AP1G1: variants seen among roughly 807,000 people sequenced by gnomAD.
AP1G1 encodes AP-1 complex subunit gamma-1.
AP1G1 carries 7 observed loss-of-function variants against 108.3 expected under a neutral mutation model. That is an observed-to-expected ratio of 0.06 (90% CI 0.04 to 0.12). The LOEUF (loss-of-function observed/expected upper bound fraction) is 0.12, where lower values mean the gene tolerates loss of function less well. Among genes scored for constraint, AP1G1 ranks in the 10% least tolerant of loss-of-function variants. The pLI is 1.00. For missense variants in AP1G1, 756 were observed against 1,010.7 expected (o/e 0.75, Z 3.42); for synonymous variants, 379 against 353.5 (o/e 1.07, Z -0.81).
At chr16:71,758,254 TAAG>T in intron 11 of AP1G1, 3 of 350,994 alleles carry the variant, frequency 8.5e-6, no homozygotes, top group Middle Eastern at 1.8e-3. Context: ...TCTAGAGTTC[TAAG>T]AAGACATCCA....
Position 71,771,179 on chromosome 16 carries a change from T to A in AP1G1, c.542A>T (p.Asn181Ile), listed in dbSNP as rs1231976195. The A allele has an allele frequency of 6.2e-7, 1 of 1,606,692 alleles. No homozygotes were observed. The highest frequency in any genetic ancestry group is 1.3e-5 in the African/African-American group (1 of 74,790). ...LMEMFLPATK[N>I]LLNEKNHGVL... ...ACCATGGTTCTTCTCATTCAATAAA[T>A]TTTTTGTTGCTGGTAAAAACATCTC... is the stretch of plus-strand genomic sequence containing the variant. The change falls in exon 5 of 23, where the codon AAT becomes ATT. Residue 181 changes from asparagine (N) to isoleucine (I), a missense_variant. By Grantham distance (149) the Asn-to-Ile change is moderately radical. Coordinates refer to ENST00000299980, the MANE Select transcript of AP1G1 (RefSeq NM_001128.6).
rs772009988 is a variant in AP1G1, at chr16:71,765,540, G to A, written c.687C>T (p.Ser229=). 6.2e-7 allele frequency: 1 copy of A among 1,613,498 alleles called. No individual in the cohort carries two copies. The highest frequency in any genetic ancestry group is 8.5e-7 in the Non-Finnish European group (1 of 1,179,678). ...LVRILKNLIM[S]GYSPEHDVSG... ...AAACATCATGTTCTGGTGAATATCC[G>A]GACATGATGAGGTTCTTTAAAATAC... The change falls in exon 7 of 23, where the codon TCC becomes TCT. Residue 229 remains serine, a synonymous_variant. Coordinates refer to ENST00000299980, the MANE Select transcript of AP1G1 (RefSeq NM_001128.6).
chr16:71,788,682 T>C (rs2032295359), intron 2 of AP1G1, among the ~76,000 whole-genome samples: 1 of 151,456 alleles, frequency 6.6e-6, no homozygotes, highest in African/African-American at 2.4e-5. Context: ...AAAAAAGAAA[T>C]AGGATCTTAC....
intron 2 of AP1G1, among the ~76,000 whole-genome samples, chr16:71,779,362 G>A (rs2031916392): frequency 6.6e-6 from 1 of 151,744 alleles, no homozygotes; most frequent in Non-Finnish European, 1.5e-5. Flanking sequence ...GTAGGGGGGA[G>A]AGTCTCACTC....
intron 15 of AP1G1, among the ~76,000 whole-genome samples, chr16:71,748,783 G>T (rs1391867643): frequency 6.6e-6 from 1 of 152,154 alleles, no homozygotes; most frequent in Non-Finnish European, 1.5e-5. Flanking sequence ...ATTTCTTCTT[G>T]TTTACCAGCC....
At chr16:71,752,485 T>C (rs1342792971) in intron 13 of AP1G1, among the ~76,000 whole-genome samples, 1 of 152,164 alleles carries the variant, frequency 6.6e-6, no homozygotes, top group East Asian at 1.9e-4. Context: ...TAAGTCATAA[T>C]TTCAATGATA....
intron 9 of AP1G1, 30 bp downstream of exon 9, chr16:71,764,320 G>GT (rs750535741): frequency 2.7e-5 from 36 of 1,357,286 alleles, no homozygotes; most frequent in Non-Finnish European, 3.4e-5. Flanking sequence ...AAACATTTAG[G>GT]GGGGGAAGAA....
chr16:71,764,814 G>A (rs2145470722), intron 7 of AP1G1, 88 bp from the exon 8 acceptor site: 2 of 786,758 alleles, frequency 2.5e-6, no homozygotes, highest in South Asian at 3.6e-5. Flanking sequence ...ACTAAATGAA[G>A]TCTTAGAAAT....
chr16:71,808,071 C>G, intron 1 of AP1G1: 3 of 1,180,642 alleles, frequency 2.5e-6, no homozygotes, highest in Non-Finnish European at 3.2e-6. Context: ...GAAACACAAT[C>G]AACCGAACCG....
In AP1G1 at chr16:71,750,264, C is replaced by T. The variant is rs747507044; in HGVS notation, c.1353G>A (p.Met451Ile). 1 of 1,614,036 alleles carries T rather than the reference C, an allele frequency of 6.2e-7. No homozygotes were observed. Among genetic ancestry groups the T allele is most frequent in the Non-Finnish European group, 8.5e-7 (1 of 1,179,922 alleles). ...LIQLITNSVE[M>I]HAYTVQRLYK... ...ACAGGCGCTGGACAGTATAGGCATG[C>T]ATCTCCACACTATTAGTTATTAACT... Residue 451 changes from methionine (M) to isoleucine (I), a missense_variant, in exon 14 of 23, where the codon ATG becomes ATA. By Grantham distance (10) the Met-to-Ile change is conservative (BLOSUM62 1). This residue lies in a region of AP1G1 where 357 missense variants were observed against 366.5 expected (regional missense o/e 0.97). Coordinates refer to ENST00000299980, the MANE Select transcript of AP1G1 (RefSeq NM_001128.6).
At chr16:71,780,641 T>C (rs2031979363) in intron 2 of AP1G1, among the ~76,000 whole-genome samples, 2 of 152,056 alleles carry the variant, frequency 1.3e-5, no homozygotes, top group Admixed American at 1.3e-4. Context: ...TATTTTATTT[T>C]TTTGTTTAGA....
chr16:71,769,234 G>A (rs1440382197), intron 6 of AP1G1, among the ~76,000 whole-genome samples: 1 of 151,530 alleles, frequency 6.6e-6, no homozygotes, highest in East Asian at 1.9e-4. Context: ...AGTGAGCTGA[G>A]ATCACGCCAT....
At chr16:71,807,871 T>A (rs1185899251) in intron 1 of AP1G1, 1 of 1,283,720 alleles carries the variant, frequency 7.8e-7, no homozygotes, top group East Asian at 5.6e-5. Flanking sequence ...GAAAAAAAAA[T>A]ACCACACAAG....
In AP1G1 at chr16:71,786,008, G is replaced by C. The variant is rs576121698; in HGVS notation, c.201+3271C>G. On this transcript the variant is annotated intron_variant, in intron 2 of 22. Transcript: ENST00000299980. ...TTATAAAGGTAATTCCAACGGATGG[G>C]GTACCAAATTACTGATATGAACAAG... 3.9e-5 allele frequency among the ~76,000 whole-genome samples: 6 copies of C among 152,154 alleles called. No homozygotes were observed. The East Asian group carries it at 1.2e-3, about 29-fold the overall frequency.
rs71856788 is a variant in AP1G1 at position 71,744,571 on chromosome 16, G to GTTTTTTT, written c.1999+566_1999+572dup. Among the ~76,000 whole-genome samples, 6 of 114,390 alleles carry GTTTTTTT rather than the reference G, an allele frequency of 5.2e-5. No individual in the cohort carries two copies. The East Asian group carries it at 7.7e-4, about 15-fold the overall frequency. The allele number at this position is 114,390 out of a possible 152,430, so 75.0% of individuals were successfully genotyped here. On this transcript the variant is annotated intron_variant, in intron 19 of 22. Transcript: ENST00000299980. ...TTTTTGAGCTTGAAAGAGAAAGTGT[G>GTTTTTTT]TTTTTTTTTTTTTTTTTTTGGAGAC...
At position 71,739,037 on chromosome 16, in the gene AP1G1, T is replaced by C. The variant is rs1235863502; in HGVS notation, c.2173A>G (p.Asn725Asp). 1.2e-6 allele frequency: 2 copies of C among 1,614,204 alleles called. No individual in the cohort carries two copies. Among genetic ancestry groups the C allele is most frequent in the Non-Finnish European group, 1.7e-6 (2 of 1,180,018 alleles). Residue 725 changes from asparagine to aspartate, a missense_variant, in exon 21 of 23, where the codon AAT (asparagine) becomes GAT (aspartate). Coordinates refer to ENST00000299980, the MANE Select transcript of AP1G1 (RefSeq NM_001128.6). ...LKIEFTFERS[N>D]TNPSVTVITI... ...ATCACTGTTACACTGGGGTTGGTATTTGACCGTTCAAAGGTGAATTCTATC... is the reference window on the plus strand; with the variant it reads ...ATCACTGTTACACTGGGGTTGGTATCTGACCGTTCAAAGGTGAATTCTATC...
intron 9 of AP1G1, among the ~76,000 whole-genome samples, 174 bp from the exon 10 acceptor site, chr16:71,761,741 C>T (rs1417477161): frequency 7.8e-5 from 11 of 141,262 alleles, no homozygotes; most frequent in Admixed American, 4.5e-4. Context: ...AGGCCAAGGC[C>T]GGTGGATCGC....
rs536577175 is a variant in AP1G1, at chr16:71,776,061, T to G, written c.202-1469A>C. Among the ~76,000 whole-genome samples, 157 of 152,306 alleles carry G rather than the reference T, an allele frequency of 1.0e-3. 1 individual carries two copies. The highest frequency in any genetic ancestry group is 3.7e-3 in the African/African-American group (152 of 41,560). On this transcript the variant is annotated intron_variant, in intron 2 of 22. Transcript: ENST00000299980. Reference sequence around the variant, plus strand: ...TAACCAAGAAGAGTTATAAAAACCATGATCCCCTTTAGAATCATACCTCCC... The same window carrying G: ...TAACCAAGAAGAGTTATAAAAACCAGGATCCCCTTTAGAATCATACCTCCC...
At chr16:71,806,356 C>G (rs2032997937) in intron 1 of AP1G1, among the ~76,000 whole-genome samples, 1 of 152,146 alleles carries the variant, frequency 6.6e-6, no homozygotes, top group African/African-American at 2.4e-5. Context: ...GGCAAAAGGA[C>G]CCTTTCTACA....
Sources: allele counts gnomAD v4.1 joint callset (sites outside exome capture counted in the v4.1 genomes callset), GRCh38; gene constraint gnomAD v4.1.1; regional missense constraint gnomAD v4.1.1; transcripts MANE v1.5; gene names NCBI Gene and HGNC (gene_info 2026-07-23, HGNC 2026-07-21).